Variants in HTR4 observed in about 807,000 individuals in gnomAD.
HTR4 encodes the protein 5-hydroxytryptamine (serotonin) receptor 4, G protein-coupled.
A neutral mutation model predicts 36.8 loss-of-function variants in HTR4; 16 were observed. The observed-to-expected ratio is 0.43, with a 90% confidence interval of 0.29 to 0.66. The LOEUF is 0.66. Ranked by LOEUF, HTR4 falls within the 30% of genes least tolerant of loss-of-function variation. The pLI, the probability that HTR4 is intolerant of heterozygous loss-of-function variation, is 0.13. For synonymous variants in HTR4, 189 were observed against 185.1 expected (o/e 1.02, Z -0.17); for missense variants, 438 against 490.9 (o/e 0.89, Z 1.02).
intron 2 of HTR4, chr5:148,629,202 C>T (rs1251985267): frequency 4.0e-5 from 6 of 151,886 alleles, no homozygotes; most frequent in African/African-American, 1.5e-4. Flanking sequence ...AGCAACAGAC[C>T]CAGAACGATG....
At position 148,481,705 on chromosome 5, in the gene HTR4, C is replaced by A. The variant is rs1755894923; in HGVS notation, c.*1498G>T. 6.9e-7 allele frequency: 1 copy of A among 1,456,638 alleles called. No individual in the cohort carries two copies. The highest frequency in any genetic ancestry group is 9.0e-7 in the Non-Finnish European group (1 of 1,116,820). 90.2% of individuals were successfully genotyped at this position (1,456,638 alleles called of 1,614,324 possible). A position where few individuals can be genotyped will look rare whatever the true frequency, so the allele number is the denominator to read the frequency against. Reference sequence around the variant, plus strand: ...AAAAAAAGAGAATATGATAAATAATCCTGAGATGCTATTAAACCACAGCCA... The same window carrying A: ...AAAAAAAGAGAATATGATAAATAATACTGAGATGCTATTAAACCACAGCCA... On this transcript the variant is annotated 3_prime_UTR_variant, in exon 7 of 7. Transcript: ENST00000377888.
intron 5 of HTR4, chr5:148,465,828 C>G (rs1755412144): frequency 6.2e-7 from 1 of 1,603,246 alleles, no homozygotes; most frequent in African/African-American, 1.4e-5. Context: ...GACAGACTCA[C>G]AACAGACAGT....
At chr5:148,504,516 C>T (rs976618997) in intron 6 of HTR4, among the ~76,000 whole-genome samples, 1 of 152,134 alleles carries the variant, frequency 6.6e-6, no homozygotes, top group African/African-American at 2.4e-5. Context: ...AAATTTATAG[C>T]ACTAAATGCC....
intron 2 of HTR4, among the ~76,000 whole-genome samples, chr5:148,631,667 A>G (rs936251782): frequency 2.0e-5 from 3 of 152,112 alleles, no homozygotes; most frequent in African/African-American, 7.2e-5. Context: ...AAAAATTTCT[A>G]TCTTTTTCTG....
At chr5:148,603,583 C>T (rs1028130449) in intron 2 of HTR4, among the ~76,000 whole-genome samples, 4 of 152,016 alleles carry the variant, frequency 2.6e-5, no homozygotes, top group African/African-American at 9.7e-5. Context: ...AGAAGCAAAA[C>T]TGCCATTATT....
chr5:148,570,132 C>T (rs1489202905), intron 2 of HTR4, among the ~76,000 whole-genome samples: 1 of 151,476 alleles, frequency 6.6e-6, no homozygotes, highest in Non-Finnish European at 1.5e-5. Context: ...AAGCAGAAAA[C>T]AAACAAACTC....
rs139930081 is a variant in HTR4 at position 148,646,776 on chromosome 5, C to T, written c.-48+7286G>A. 3.9e-3 allele frequency among the ~76,000 whole-genome samples: 589 copies of T among 152,250 alleles called. 4 individuals are homozygous for T. Among genetic ancestry groups the T allele is most frequent in the African/African-American group, 0.012 (499 of 41,524 alleles). On this transcript the variant is annotated intron_variant, in intron 1 of 6. Transcript: ENST00000377888. Reference sequence around the variant, plus strand: ...CATTACTTCATTCACCTTCACATCACGCTATCAGGAGGTTCTGCAATTATT... The same window carrying T: ...CATTACTTCATTCACCTTCACATCATGCTATCAGGAGGTTCTGCAATTATT...
intron 5 of HTR4, among the ~76,000 whole-genome samples, chr5:148,512,089 A>T (rs1757526580): frequency 6.6e-6 from 1 of 152,206 alleles, no homozygotes; most frequent in Non-Finnish European, 1.5e-5. Context: ...CAATGGGACG[A>T]GAGCATTGCC....
intron 1 of HTR4, among the ~76,000 whole-genome samples, chr5:148,651,672 A>G (rs992903965): frequency 6.6e-6 from 1 of 151,906 alleles, no homozygotes; most frequent in Non-Finnish European, 1.5e-5. Flanking sequence ...GAACTACTGC[A>G]TGCTGTGAAG....
intron 5 of HTR4, among the ~76,000 whole-genome samples, chr5:148,467,103 C>T (rs1755449048): frequency 6.6e-6 from 1 of 152,148 alleles, no homozygotes. Context: ...AATAAGGATC[C>T]ATTCACTCAA....
At chr5:148,577,676 A>G (rs1168450063) in intron 2 of HTR4, among the ~76,000 whole-genome samples, 1 of 152,100 alleles carries the variant, frequency 6.6e-6, no homozygotes. Flanking sequence ...AGGAAAATGG[A>G]TGGAGCTGGA....
intron 2 of HTR4, among the ~76,000 whole-genome samples, chr5:148,576,128 A>AAAAAAAAAAAAAAAAAC (rs1561629268): frequency 2.8e-5 from 4 of 144,688 alleles, no homozygotes; most frequent in African/African-American, 1.0e-4. Context: ...AAAAAAAAAA[A>AAAAAAAAAAAAAAAAAC]AAAAACAAAA....
intron 4 of HTR4, among the ~76,000 whole-genome samples, chr5:148,530,399 C>T (rs1581431758): frequency 6.6e-6 from 1 of 152,178 alleles, no homozygotes; most frequent in Non-Finnish European, 1.5e-5. Flanking sequence ...CCAGCTACTC[C>T]AGGCATGGCT....
chr5:148,632,009 G>A (rs570847996), intron 2 of HTR4, among the ~76,000 whole-genome samples: 23 of 152,114 alleles, frequency 1.5e-4, no homozygotes, highest in East Asian at 1.2e-3. Flanking sequence ...CCCTAGTACC[G>A]TCATCAAGCC....
intron 6 of HTR4, among the ~76,000 whole-genome samples, chr5:148,504,694 T>C (rs1182817228): frequency 1.3e-5 from 2 of 151,996 alleles, no homozygotes; most frequent in Non-Finnish European, 2.9e-5. Flanking sequence ...AAAAAATCAA[T>C]GAATCCAGGA....
intron 2 of HTR4, among the ~76,000 whole-genome samples, chr5:148,560,494 G>A (rs1299604849): frequency 1.3e-5 from 2 of 152,058 alleles, no homozygotes; most frequent in Admixed American, 1.3e-4. Context: ...ACCTTACAAG[G>A]GATGCCCTTA....
chr5:148,546,835 G>GT (rs1759406328), intron 4 of HTR4, among the ~76,000 whole-genome samples: 1 of 152,096 alleles, frequency 6.6e-6, no homozygotes, highest in African/African-American at 2.4e-5. Context: ...TCCTTACATT[G>GT]TATTTCCTAT....
At chr5:148,540,388 T>G (rs1759045691) in intron 4 of HTR4, among the ~76,000 whole-genome samples, 1 of 113,620 alleles carries the variant, frequency 8.8e-6, no homozygotes, top group Admixed American at 9.8e-5. Flanking sequence ...TTAGGTTTTA[T>G]TTTATGTGTG....
At chr5:148,540,555 T>C (rs1361685638) in intron 4 of HTR4, among the ~76,000 whole-genome samples, 1 of 150,860 alleles carries the variant, frequency 6.6e-6, no homozygotes. Context: ...AAAGATGACT[T>C]CAAAAAGTTG....
Sources: gnomAD v4.1 joint callset for allele counts (sites outside exome capture counted in the v4.1 genomes callset) on GRCh38, gnomAD v4.1.1 for gene constraint, MANE v1.5 for transcripts, NCBI Gene and HGNC (gene_info 2026-07-23, HGNC 2026-07-21) for gene names.